Variants in GIGYF1 observed in about 807,000 individuals in gnomAD.
GIGYF1 encodes GRB10-interacting GYF protein 1.
In GIGYF1, 84 loss-of-function variants were observed where a neutral mutation model predicts 147.1. The observed-to-expected ratio is 0.57, with a 90% CI of 0.48 to 0.68. GIGYF1 has a LOEUF of 0.68. Among genes scored for constraint, GIGYF1 ranks in the 30% least tolerant of loss-of-function variants. The pLI is 0.00. For missense variants in GIGYF1, 1,485 were observed against 1,393.7 expected, an observed-to-expected ratio of 1.07 and a Z score of -1.04; for synonymous variants, 752 against 589.5, an observed-to-expected ratio of 1.28 and a Z score of -3.99.
intron 1 of GIGYF1, among the ~76,000 whole-genome samples, chr7:100,690,836 G>C (rs1805773783): frequency 6.6e-6 from 1 of 150,962 alleles, no homozygotes. Flanking sequence ...CCCCCTGCCA[G>C]GCGCAGCAAG....
rs1804950770 is a variant in GIGYF1 at position 100,683,112 on chromosome 7, A to G, written c.2312T>C (p.Met771Thr). The G allele has an allele frequency of 6.3e-7, 1 of 1,593,540 alleles. No homozygotes were observed. Among genetic ancestry groups the G allele is most frequent in the Non-Finnish European group, 8.5e-7 (1 of 1,174,722 alleles). The part of the protein sequence containing the change: ...WAGLAKQGLS[M>T]KTLLELQLEG... ...CAGCTGCAACTCCAGGAGCGTCTTC[A>G]TGGACAGCCCCTGCTTGGCCAGGCC... The change falls in exon 22 of 27, where the codon ATG (methionine) becomes ACG (threonine). Residue 771 changes from methionine (M) to threonine (T), a missense_variant. Coordinates refer to ENST00000678049, the MANE Select transcript of GIGYF1 (RefSeq NM_001375765.1).
rs1805190208 is a variant in GIGYF1 at position 100,685,104 on chromosome 7, G to A, written c.1235C>T (p.Ser412Phe). 1.9e-6 allele frequency: 3 copies of A among 1,583,278 alleles called. No individual in the cohort carries two copies. Among genetic ancestry groups the A allele is most frequent in the African/African-American group, 1.3e-5 (1 of 74,448 alleles). Residue 412 changes from serine (S) to phenylalanine (F), a missense_variant, in exon 14 of 27, where the codon TCT (serine) becomes TTT (phenylalanine). Physicochemically the swap from Ser to Phe is radical, Grantham distance 155. Coordinates refer to ENST00000678049, the MANE Select transcript of GIGYF1 (RefSeq NM_001375765.1). ...GIQLSPGVGSSAGPPGDLEDD... is the reference protein window; with the variant it reads ...GIQLSPGVGSFAGPPGDLEDD... ...CTCCAGATCTCCGGGTGGGCCAGCA[G>A]AGGAGCCCACCCCGGGACTCAGCTG...
In GIGYF1 at chr7:100,682,306, G is replaced by C; in HGVS notation, c.2761+16C>G. 6.2e-7 allele frequency: 1 copy of C among 1,610,038 alleles called. No individual in the cohort carries two copies. Among genetic ancestry groups the C allele is most frequent in the Middle Eastern group, 1.7e-4 (1 of 6,052 alleles). Reference sequence around the variant, plus strand: ...AGACCCAGGTCCCGCCCACCTCCTGGGAGCCGCTCGCCCACCGTCCAGGCT... The same window carrying C: ...AGACCCAGGTCCCGCCCACCTCCTGCGAGCCGCTCGCCCACCGTCCAGGCT... On this transcript the variant is annotated intron_variant, in intron 24 of 26. Coordinates refer to ENST00000678049, the MANE Select transcript of GIGYF1 (RefSeq NM_001375765.1).
At chr7:100,682,806 C>G (rs1476383702) in intron 22 of GIGYF1, 29 bp from the exon 23 acceptor site, 1 of 1,509,790 alleles carries the variant, frequency 6.6e-7, no homozygotes, top group Non-Finnish European at 8.8e-7. Flanking sequence ...CAGAGTGGCT[C>G]AAACAAAGGC....
At position 100,681,966 on chromosome 7, in the gene GIGYF1, G is replaced by A. The variant is rs1166090918; in HGVS notation, c.2953C>T (p.Gln985Ter). 2 of 1,608,912 alleles carry A rather than the reference G, an allele frequency of 1.2e-6. No homozygotes were observed. Among genetic ancestry groups the A allele is most frequent in the East Asian group, 2.2e-5 (1 of 44,878 alleles). Reference protein sequence around the residue: ...QEAWLSSASLQTAFQANHSTK... With the variant: ...QEAWLSSASL ...CTGTGGTTGGCCTGGAAGGCCGTCT[G>A]CAGCGAGGCGCTGCTCAGCCATGCC... The change falls in exon 26 of 27, where the codon CAG becomes TAG. Residue 985 changes from glutamine (Q) to a stop codon, truncating the protein, a stop_gained. Coordinates refer to ENST00000678049, the MANE Select transcript of GIGYF1 (RefSeq NM_001375765.1). LOFTEE classifies it high-confidence loss of function.
Position 100,684,971 on chromosome 7 carries a change from AGCTGGGGCCGGG to A in GIGYF1, c.1290+66_1290+77del, listed in dbSNP as rs899819141. 1.2e-3 allele frequency: 1,795 copies of A among 1,556,292 alleles called. 17 individuals carry two copies. In the African/African-American group the frequency reaches 0.026, roughly 22 times the overall value. Reference sequence around the variant, plus strand: ...AGGATGGGGATGGGGATGGAGCTTGAGCTGGGGCCGGGGCTGGGGCCAAGCAGGTCAGGTCAG... The same window carrying A: ...AGGATGGGGATGGGGATGGAGCTTGAGCTGGGGCCAAGCAGGTCAGGTCAG... On this transcript the variant is annotated intron_variant, in intron 14 of 26. Transcript: ENST00000678049.
In GIGYF1 at chr7:100,684,337, C is replaced by T; in HGVS notation, c.1630G>A (p.Gly544Arg). 6 of 1,595,884 alleles carry T rather than the reference C, an allele frequency of 3.8e-6. No homozygotes were observed. The highest frequency in any genetic ancestry group is 5.1e-6 in the Non-Finnish European group (6 of 1,172,426). Reference sequence around the variant, plus strand: ...TTCAGCCGCTCCTGGTCCATGTTTCCCTGCTCAGGTGAGAGCTCGGCCAGT... The same window carrying T: ...TTCAGCCGCTCCTGGTCCATGTTTCTCTGCTCAGGTGAGAGCTCGGCCAGT... ...APGPSPPPLL[G>R]NMDQERLKKQ... is the part of the protein sequence containing the mutation. The change falls in exon 17 of 27, where the codon GGA (glycine) becomes AGA (arginine). Residue 544 changes from glycine (G) to arginine (R), a missense_variant and splice_region_variant. Physicochemically the swap from Gly to Arg is moderately radical, Grantham distance 125 (BLOSUM62 -2). Coordinates refer to ENST00000678049, the MANE Select transcript of GIGYF1 (RefSeq NM_001375765.1).
intron 1 of GIGYF1, among the ~76,000 whole-genome samples, chr7:100,692,748 C>G (rs376386620): frequency 6.6e-6 from 1 of 152,202 alleles, no homozygotes; most frequent in Non-Finnish European, 1.5e-5. Context: ...CCCCTGGTCC[C>G]CAGGCAATGG....
At position 100,680,611 on chromosome 7, in the gene GIGYF1, C is replaced by A. The variant is rs1262965915; in HGVS notation, c.*1108G>T. The A allele has an allele frequency of 6.6e-6, 1 of 152,484 alleles. No individual in the cohort carries two copies. Among genetic ancestry groups the A allele is most frequent in the African/African-American group, 2.4e-5 (1 of 41,416 alleles). The allele number at this position is 152,484 out of a possible 1,614,324, so 9.4% of individuals were successfully genotyped here. A position where few individuals can be genotyped will look rare whatever the true frequency, so the allele number is the denominator to read the frequency against. On this transcript the variant is annotated 3_prime_UTR_variant, in exon 27 of 27. Transcript: ENST00000678049. ...AGGTGCAGAGCTGGGTGGTCCACAT[C>A]TTACGAGCTGGCTACAGGTTGGGGC... is the stretch of plus-strand genomic sequence containing the variant.
At chr7:100,682,968 C>G (rs923772801) in intron 22 of GIGYF1, 44 bp downstream of exon 22, 3 of 1,427,484 alleles carry the variant, frequency 2.1e-6, no homozygotes, top group Non-Finnish European at 2.8e-6. Flanking sequence ...CTGTGCCACC[C>G]TGGAAACTGT....
Position 100,680,276 on chromosome 7 carries a change from G to A in GIGYF1, c.*1443C>T, listed in dbSNP as rs1318565373. 3.9e-5 allele frequency: 6 copies of A among 152,642 alleles called. No individual in the cohort carries two copies. The highest frequency in any genetic ancestry group is 2.1e-4 in the South Asian group (1 of 4,838). The allele number at this position is 152,642 out of a possible 1,614,324, so 9.5% of individuals were successfully genotyped here. On this transcript the variant is annotated 3_prime_UTR_variant, in exon 27 of 27. Transcript: ENST00000678049. The stretch of plus-strand genomic sequence containing the variant: ...CTCCCCATGTCCCCAGGGCAGGAGG[G>A]AGAAATACATTCATGGAGGGAGGCA...
Position 100,681,931 on chromosome 7 carries a change from G to T in GIGYF1, c.2988C>A (p.Leu996=). 1 of 1,610,234 alleles carries T rather than the reference G, an allele frequency of 6.2e-7. No individual in the cohort carries two copies. The change falls in exon 26 of 27, where the codon CTC becomes CTA. Residue 996 remains leucine (L), a synonymous_variant. Coordinates refer to ENST00000678049, the MANE Select transcript of GIGYF1 (RefSeq NM_001375765.1). The part of the protein sequence containing the change: ...TAFQANHSTK[L]GPGEGSKAKR... ...TGGCCTTGCTGCCCTCCCCGGGGCC[G>T]AGTTTGGTGCTGTGGTTGGCCTGGA...
In GIGYF1 at chr7:100,679,701, C is replaced by G. The variant is rs769159499; in HGVS notation, c.*2018G>C. On this transcript the variant is annotated 3_prime_UTR_variant, in exon 27 of 27. Transcript: ENST00000678049. ...AGCGAGGGCCCAGGAAGACCGGGGC[C>G]GGGGAAGGACAGCAACAGGGTCTGA... 6.6e-6 allele frequency: 1 copy of G among 152,522 alleles called. No homozygotes were observed. The highest frequency in any genetic ancestry group is 1.5e-5 in the Non-Finnish European group (1 of 68,196). 9.4% of individuals were successfully genotyped at this position (152,522 alleles called of 1,614,324 possible).
chr7:100,683,554 T>C lies in GIGYF1; in HGVS notation c.2048A>G (p.His683Arg), dbSNP rs1414817359. 2 of 1,614,148 alleles carry C rather than the reference T, an allele frequency of 1.2e-6. No homozygotes were observed. Among genetic ancestry groups the C allele is most frequent in the Non-Finnish European group, 8.5e-7 (1 of 1,179,932 alleles). The stretch of plus-strand genomic sequence containing the variant: ...AGCCCCAGGATGCCCACTCACTTTA[T>C]GTTGCAGCTGGAGTTGTTCTAGAAT... ...GPILEQLQLQ[H>R]KFQERREVEL... The change falls in exon 20 of 27, where the codon CAT becomes CGT. Residue 683 changes from histidine to arginine, a missense_variant. His to Arg is a conservative substitution (Grantham distance 29). Coordinates refer to ENST00000678049, the MANE Select transcript of GIGYF1 (RefSeq NM_001375765.1).
At chr7:100,686,560 C>T in intron 10 of GIGYF1, 89 bp downstream of exon 10, 1 of 1,528,458 alleles carries the variant, frequency 6.5e-7, no homozygotes, top group Non-Finnish European at 8.8e-7. Flanking sequence ...CCAGCCTCTG[C>T]TCCCTCCCCG....
intron 1 of GIGYF1, among the ~76,000 whole-genome samples, chr7:100,691,466 C>A (rs1281770655): frequency 1.3e-5 from 2 of 151,746 alleles, no homozygotes; most frequent in East Asian, 3.9e-4. Flanking sequence ...CGAGGGAAAT[C>A]TGAAATCCTG....
chr7:100,691,865 C>T (rs560025056), intron 1 of GIGYF1, among the ~76,000 whole-genome samples: 1 of 152,366 alleles, frequency 6.6e-6, no homozygotes, highest in East Asian at 1.9e-4. Flanking sequence ...ACGCTGGGCC[C>T]GGGTGCTCCA....
chr7:100,686,329 G>A lies in GIGYF1; in HGVS notation c.799C>T (p.Arg267Trp), dbSNP rs371261440. ...AGGTGAGAGCTGCCTCCCCCTCCCC[G>A]CCCCTCCTCTTCACCACACCCTCCT... Reference protein sequence around the residue: ...DRGGCGEEEGRGGGGSSHLRR... With the variant: ...DRGGCGEEEGWGGGGSSHLRR... Residue 267 changes from arginine (R) to tryptophan (W), a missense_variant, in exon 11 of 27, where the codon CGG (arginine) becomes TGG (tryptophan). Coordinates refer to ENST00000678049, the MANE Select transcript of GIGYF1 (RefSeq NM_001375765.1). 20 of 1,204,926 alleles carry A rather than the reference G, an allele frequency of 1.7e-5. No homozygotes were observed. The highest frequency in any genetic ancestry group is 2.2e-5 in the Non-Finnish European group (19 of 861,200). 74.6% of individuals were successfully genotyped at this position (1,204,926 alleles called of 1,614,324 possible).
Position 100,679,717 on chromosome 7 carries a change from CAG to C in GIGYF1, c.*2000_*2001del, listed in dbSNP as rs1454688852. The C allele has an allele frequency of 6.5e-6, 1 of 152,756 alleles. No individual in the cohort carries two copies. The highest frequency in any genetic ancestry group is 2.4e-5 in the African/African-American group (1 of 41,402). The allele number at this position is 152,756 out of a possible 1,614,324, so 9.5% of individuals were successfully genotyped here. ...GACCGGGGCCGGGGAAGGACAGCAA[CAG>C]GGTCTGAGTCCCTGGGCAGGGGGGC... is the stretch of plus-strand genomic sequence containing the variant. On this transcript the variant is annotated 3_prime_UTR_variant, in exon 27 of 27. Transcript: ENST00000678049.
Sources: gnomAD v4.1 joint callset for allele counts (sites outside exome capture counted in the v4.1 genomes callset) on GRCh38, gnomAD v4.1.1 for gene constraint, MANE v1.5 for transcripts, NCBI Gene and HGNC (gene_info 2026-07-23, HGNC 2026-07-21) for gene names.